ITIH3: variants seen among roughly 807,000 people sequenced by gnomAD.
ITIH3 encodes inter-alpha-trypsin inhibitor heavy chain H3.
In ITIH3, 81 loss-of-function variants were observed where a neutral mutation model predicts 96.5. The ratio of observed to expected loss-of-function variants is 0.84; its 90% CI spans 0.70 to 1.01. ITIH3 has a LOEUF of 1.01. Ranked by LOEUF, ITIH3 falls within the 50% of genes least tolerant of loss-of-function variation. ITIH3 has a pLI of 0.00. For missense variants in ITIH3, 1,057 were observed against 1,139.3 expected (o/e 0.93, Z 1.04); for synonymous variants, 422 against 445.2 (o/e 0.95, Z 0.66).
Position 52,796,511 on chromosome 3 carries a change from A to G in ITIH3, c.145A>G (p.Lys49Glu), listed in dbSNP as rs115714636. 1.1e-3 allele frequency: 1,747 copies of G among 1,613,136 alleles called. 22 individuals carry two copies. The African/African-American group carries it at 0.021, about 19-fold the overall frequency. ...CAATGGCATCGAGGTCTACAGTACCAAAATCAACTCCAAGGTGACCTCCCG... is the reference window on the plus strand; with the variant it reads ...CAATGGCATCGAGGTCTACAGTACCGAAATCAACTCCAAGGTGACCTCCCG... ...VANGIEVYST[K>E]INSKVTSRFA... The change falls in exon 3 of 22, where the codon AAA becomes GAA. Residue 49 changes from lysine (K) to glutamate (E), a missense_variant. Physicochemically the swap from Lys to Glu is moderately conservative, Grantham distance 56 (BLOSUM62 1). Coordinates refer to ENST00000449956, the MANE Select transcript of ITIH3 (RefSeq NM_002217.4).
rs776765221 is a variant in ITIH3 at position 52,797,268 on chromosome 3, G to A, written c.549+1G>A. 8.1e-6 allele frequency: 13 copies of A among 1,600,008 alleles called. 1 individual carries two copies. The South Asian group carries it at 1.5e-4, about 18-fold the overall frequency. On this transcript the variant is annotated splice_donor_variant, in intron 5 of 21. Coordinates refer to ENST00000449956, the MANE Select transcript of ITIH3 (RefSeq NM_002217.4). LOFTEE classifies it high-confidence loss of function. ...TAAGCAACTGGTCAAACACTTTGAG[G>A]TAATCAACCGCCCCTGCAGACCTGG...
chr3:52,800,897 C>G, intron 10 of ITIH3, 68 bp from the exon 11 acceptor site: 1 of 1,591,748 alleles, frequency 6.3e-7, no homozygotes, highest in Non-Finnish European at 8.6e-7. Context: ...TCCGGTCTCC[C>G]CAGACAGAGC....
intron 9 of ITIH3, 25 bp from the exon 10 acceptor site, chr3:52,800,513 A>C (rs746845872): frequency 4.5e-6 from 7 of 1,550,294 alleles, no homozygotes; most frequent in African/African-American, 1.4e-5. Context: ...ACACCCTCCC[A>C]CGGTGCTGTC....
At chr3:52,800,785 G>A (rs1699802463) in intron 10 of ITIH3, 122 bp downstream of exon 10, 1 of 1,466,654 alleles carries the variant, frequency 6.8e-7, no homozygotes, top group Non-Finnish European at 9.3e-7. Context: ...TGGTCTGGGA[G>A]CCCCTCAAGG....
rs1699555801 is a variant in ITIH3 at position 52,795,712 on chromosome 3, C to A, written c.114+89C>A. The A allele has an allele frequency of 6.9e-6, 9 of 1,298,568 alleles. No individual in the cohort carries two copies. The South Asian group carries it at 1.2e-4, about 17-fold the overall frequency. The allele number at this position is 1,298,568 out of a possible 1,614,324, so 80.4% of individuals were successfully genotyped here. A position where few individuals can be genotyped will look rare whatever the true frequency, so the allele number is the denominator to read the frequency against. On this transcript the variant is annotated intron_variant, in intron 2 of 21. Coordinates refer to ENST00000449956, the MANE Select transcript of ITIH3 (RefSeq NM_002217.4). Reference sequence around the variant, plus strand: ...CTGCTGAAGGTGTAGGCTATAACAGCTGACTCCTCACAGCTGGCAAACAGC... The same window carrying A: ...CTGCTGAAGGTGTAGGCTATAACAGATGACTCCTCACAGCTGGCAAACAGC...
rs774933605 is a variant in ITIH3 at position 52,803,984 on chromosome 3, G to C, written c.1839G>C (p.Arg613Ser). ...AGCCTGAGGACAACGAGGATGAGAG[G>C]GCCATTGCCGACAAGCCTGGGGAAG... ...VTKPEDNEDE[R>S]AIADKPGEDA... The change falls in exon 14 of 22, where the codon AGG becomes AGC. Residue 613 changes from arginine to serine, a missense_variant. Transcript: ENST00000449956. The C allele has an allele frequency of 1.2e-6, 2 of 1,613,548 alleles. No individual in the cohort carries two copies. Among genetic ancestry groups the C allele is most frequent in the Non-Finnish European group, 1.7e-6 (2 of 1,179,722 alleles).
intron 14 of ITIH3, 90 bp from the exon 15 acceptor site, chr3:52,804,636 G>C: frequency 6.9e-7 from 1 of 1,450,244 alleles, no homozygotes; most frequent in South Asian, 1.2e-5. Context: ...CCTAGGGCTG[G>C]TCGGCCAAGC....
At chr3:52,800,387 T>C in intron 9 of ITIH3, 151 bp from the exon 10 acceptor site, 1 of 799,758 alleles carries the variant, frequency 1.3e-6, no homozygotes, top group East Asian at 2.7e-5. Flanking sequence ...TGGTGGTTCA[T>C]TCATTGTTTG....
Position 52,802,826 on chromosome 3 carries a change from C to G in ITIH3, c.1709+20C>G, listed in dbSNP as rs1273114372. 1.9e-6 allele frequency: 3 copies of G among 1,613,082 alleles called. No homozygotes were observed. The highest frequency in any genetic ancestry group is 2.5e-6 in the Non-Finnish European group (3 of 1,179,500). ...GAAGCGGTGAGCAGAGTCCCAGCCC[C>G]CACCTGTGCCTACCCCTGGCTGGGC... On this transcript the variant is annotated intron_variant, in intron 13 of 21. Coordinates refer to ENST00000449956, the MANE Select transcript of ITIH3 (RefSeq NM_002217.4).
Position 52,799,877 on chromosome 3 carries a change from T to G in ITIH3, c.1031T>G (p.Leu344Arg). ...EHLVQATPEN[L>R]QEARTFVKSM... The stretch of plus-strand genomic sequence containing the variant: ...TTAGTCCAGGCCACGCCCGAGAACC[T>G]CCAGGAGGCCAGGACGTTTGTGAAG... Residue 344 changes from leucine to arginine, a missense_variant, in exon 9 of 22, where the codon CTC becomes CGC. Transcript: ENST00000449956. 2 of 1,613,836 alleles carry G rather than the reference T, an allele frequency of 1.2e-6. No homozygotes were observed. The highest frequency in any genetic ancestry group is 4.5e-5 in the East Asian group (2 of 44,870).
Position 52,802,399 on chromosome 3 carries a change from T to C in ITIH3, c.1449T>C (p.Ala483=), listed in dbSNP as rs750936408. The change falls in exon 12 of 22, where the codon GCT becomes GCC. Residue 483 remains alanine, a synonymous_variant. Coordinates refer to ENST00000449956, the MANE Select transcript of ITIH3 (RefSeq NM_002217.4). ...TGVEMEYPEN[A]ILDLTQNTYQ... is the part of the protein sequence containing the mutation. ...TGGAGATGGAGTACCCCGAGAACGC[T>C]ATCCTGGACCTCACCCAGAACACTT... The C allele has an allele frequency of 7.4e-6, 12 of 1,613,820 alleles. No homozygotes were observed. Among genetic ancestry groups the C allele is most frequent in the Non-Finnish European group, 1.0e-5 (12 of 1,179,884 alleles).
At position 52,800,602 on chromosome 3, in the gene ITIH3, C is replaced by T; in HGVS notation, c.1140C>T (p.His380=). Residue 380 remains histidine (H), a synonymous_variant, in exon 10 of 22, where the codon CAC becomes CAT. Transcript: ENST00000449956. ...ISMLNKAREE[H]RIPERSTSIV... is the part of the protein sequence containing the mutation. ...TGCTGAACAAGGCCCGAGAGGAGCA[C>T]AGAATCCCAGAGAGGAGCACCTCCA... The T allele has an allele frequency of 1.3e-6, 2 of 1,578,538 alleles. No homozygotes were observed. The highest frequency in any genetic ancestry group is 2.3e-5 in the South Asian group (2 of 85,764).
intron 4 of ITIH3, 37 bp downstream of exon 4, chr3:52,796,880 G>C: frequency 7.1e-7 from 1 of 1,399,280 alleles, no homozygotes; most frequent in Non-Finnish European, 9.8e-7. Context: ...GAGAATGTCT[G>C]GGATCCAAGG....
intron 6 of ITIH3, 39 bp downstream of exon 6, chr3:52,797,969 C>T: frequency 1.6e-6 from 2 of 1,239,006 alleles, no homozygotes; most frequent in East Asian, 2.5e-5. Flanking sequence ...GGGCAGGGGA[C>T]AGGAATACTG....
chr3:52,797,888 C>T lies in ITIH3; in HGVS notation c.621C>T (p.Asp207=). The change falls in exon 6 of 22, where the codon GAC becomes GAT. Residue 207 remains aspartate (D), a synonymous_variant. Coordinates refer to ENST00000449956, the MANE Select transcript of ITIH3 (RefSeq NM_002217.4). ...CTGAGGCCTCTTTCATCACCAACGA[C>T]CTCCTGGGAAGCGCCCTCACCAAGT... ...LDAEASFITN[D]LLGSALTKSF... The T allele has an allele frequency of 6.2e-7, 1 of 1,608,940 alleles. No homozygotes were observed. Among genetic ancestry groups the T allele is most frequent in the South Asian group, 1.1e-5 (1 of 89,668 alleles).
At chr3:52,797,768 C>T (rs752207891) in intron 5 of ITIH3, 49 bp from the exon 6 acceptor site, 3 of 1,205,144 alleles carry the variant, frequency 2.5e-6, no homozygotes, top group Non-Finnish European at 3.6e-6. Flanking sequence ...GTTCTGGGAA[C>T]TGGCCTCTGA....
chr3:52,795,275 C>A (rs1368560610), intron 1 of ITIH3, among the ~76,000 whole-genome samples: 1 of 152,010 alleles, frequency 6.6e-6, no homozygotes, highest in Admixed American at 6.6e-5. Flanking sequence ...CCTAAAGGGG[C>A]CTGGGGGCCA....
In ITIH3 at chr3:52,806,100, C is replaced by A; in HGVS notation, c.1907-3C>A. 1 of 1,598,282 alleles carries A rather than the reference C, an allele frequency of 6.3e-7. No homozygotes were observed. The highest frequency in any genetic ancestry group is 2.3e-5 in the East Asian group (1 of 44,124). On this transcript the variant is annotated splice_region_variant and splice_polypyrimidine_tract_variant and intron_variant, in intron 16 of 21. Transcript: ENST00000449956. ...TCAGCCCTCTCTCCCTTTGTATCTG[C>A]AGCCAGCTACCAGCCTCCTCAAAAC...
intron 8 of ITIH3, 40 bp downstream of exon 8, chr3:52,799,528 AG>A: frequency 1.4e-6 from 2 of 1,416,602 alleles, no homozygotes; most frequent in Middle Eastern, 1.8e-4. Flanking sequence ...TCGGGGTAGT[AG>A]GGGGTGGAAG....
Sources: gnomAD v4.1 joint callset for allele counts (sites outside exome capture counted in the v4.1 genomes callset) on GRCh38, gnomAD v4.1.1 for gene constraint, MANE v1.5 for transcripts, NCBI Gene and HGNC (gene_info 2026-07-23, HGNC 2026-07-21) for gene names.